The following ZFHX3 variants were observed in gnomAD, a reference collection of about 807,000 sequenced individuals.
The protein encoded by ZFHX3 is zinc finger homeobox protein 3.
ZFHX3 carries 42 observed loss-of-function variants against 279.1 expected under a neutral mutation model. That is an observed-to-expected ratio of 0.15 (90% CI 0.12 to 0.19). The LOEUF (loss-of-function observed/expected upper bound fraction) is 0.19. ZFHX3 is among the 10% of genes least tolerant of loss of function. The pLI, the probability that ZFHX3 is intolerant of heterozygous loss-of-function variation, is 1.00. For synonymous variants in ZFHX3, 2,293 were observed against 1,957.8 expected (o/e 1.17, Z -4.52); for missense variants, 4,981 against 4,754.0 (o/e 1.05, Z -1.40).
chr16:73,258,051 C>T (rs2013708501), intron 4 of ZFHX3, among the ~76,000 whole-genome samples: 2 of 152,292 alleles, frequency 1.3e-5, no homozygotes, highest in African/African-American at 2.4e-5. Context: ...CCAGATTTTG[C>T]CAAATGTCCC....
intron 7 of ZFHX3, among the ~76,000 whole-genome samples, chr16:73,105,410 C>CACACACACACATATACATATATAT (rs1200521848): frequency 8.6e-6 from 1 of 116,950 alleles, no homozygotes; most frequent in Non-Finnish European, 1.8e-5. Context: ...TATATATATA[C>CACACACACACATATACATATATAT]ACACACACAT....
At chr16:73,070,889 C>T (rs1965815248) in intron 8 of ZFHX3, among the ~76,000 whole-genome samples, 1 of 150,002 alleles carries the variant, frequency 6.7e-6, no homozygotes, top group Non-Finnish European at 1.5e-5. Flanking sequence ...TTCTTTTCCC[C>T]TTGCGGGCTG....
In ZFHX3 at chr16:72,950,477, A is replaced by C. The variant is rs1318230102; in HGVS notation, c.3208T>G (p.Leu1070Val). ...AAGGAGCTGGGCCTTACCTTGTACA[A>C]CTTCAGGCTGGCCTCGTGCCTGGAG... is the stretch of plus-strand genomic sequence containing the variant. ...VNSRHEASLK[L>V]YKHLQQHESG... Residue 1070 changes from leucine to valine, a missense_variant, in exon 3 of 10, where the codon TTG (leucine) becomes GTG (valine). Physicochemically the swap from Leu to Val is conservative, Grantham distance 32 (BLOSUM62 1). This residue lies in a region of ZFHX3 where 1,751 missense variants were observed against 1,770.0 expected (regional missense o/e 0.99). Coordinates refer to ENST00000268489, the MANE Select transcript of ZFHX3 (RefSeq NM_006885.4). 6.2e-7 allele frequency: 1 copy of C among 1,613,592 alleles called. No homozygotes were observed. Among genetic ancestry groups the C allele is most frequent in the East Asian group, 2.2e-5 (1 of 44,872 alleles).
chr16:73,819,934 G>A lies in ZFHX3; in HGVS notation c.-1608+71717C>T, dbSNP rs142930189. ...GTGGCAGATCTTATTTTCCAAAGAT[G>A]GTCACGACAATGTCTCTCATCCCAC... On this transcript the variant is annotated intron_variant, in intron 1 of 17. Transcript: ENST00000641206. 4.5e-3 allele frequency among the ~76,000 whole-genome samples: 686 copies of A among 152,194 alleles called. 7 individuals carry two copies. The highest frequency in any genetic ancestry group is 0.015 in the African/African-American group (632 of 41,532).
intron 1 of ZFHX3, among the ~76,000 whole-genome samples, chr16:73,702,782 G>C (rs1368272006): frequency 6.6e-6 from 1 of 152,136 alleles, no homozygotes; most frequent in Non-Finnish European, 1.5e-5. Context: ...GGAAGACAAA[G>C]AGTTTCTTTT....
chr16:73,027,862 G>A (rs1964566256), intron 1 of ZFHX3, among the ~76,000 whole-genome samples: 1 of 152,154 alleles, frequency 6.6e-6, no homozygotes, highest in African/African-American at 2.4e-5. Flanking sequence ...GTGATATACT[G>A]CCCCTCCTGT....
chr16:73,161,928 G>C (rs968627440), intron 5 of ZFHX3, among the ~76,000 whole-genome samples: 15 of 152,158 alleles, frequency 9.9e-5, no homozygotes, highest in Non-Finnish European at 2.1e-4. Context: ...AAGAAACAGG[G>C]TTTGAAAGGT....
chr16:73,085,985 C>CAAAAAAAAAAAAAAAAAAA (rs57128744), intron 8 of ZFHX3, among the ~76,000 whole-genome samples: 1 of 54,228 alleles, frequency 1.8e-5, no homozygotes, highest in African/African-American at 6.1e-5. Context: ...AACTCAATTG[C>CAAAAAAAAAAAAAAAAAAA]AAAAAAAAAA....
At chr16:73,727,723 C>G (rs1043276669) in intron 1 of ZFHX3, among the ~76,000 whole-genome samples, 1 of 152,174 alleles carries the variant, frequency 6.6e-6, no homozygotes, top group Non-Finnish European at 1.5e-5. Context: ...ATCTGCTTTT[C>G]TGTCTTCTCC....
Position 72,798,024 on chromosome 16 carries a change from G to A in ZFHX3, c.4658C>T (p.Ser1553Phe). ...RPYKCTVCKE[S>F]FTQKNILLVH... Reference sequence around the variant, plus strand: ...TAGCAGGATATTCTTTTGAGTGAAAGATTCCTTGCAGACGGTACACTTGTA... The same window carrying A: ...TAGCAGGATATTCTTTTGAGTGAAAAATTCCTTGCAGACGGTACACTTGTA... Residue 1553 changes from serine to phenylalanine, a missense_variant, in exon 9 of 10, where the codon TCT (serine) becomes TTT (phenylalanine). By Grantham distance (155) the Ser-to-Phe change is radical. Coordinates refer to ENST00000268489, the MANE Select transcript of ZFHX3 (RefSeq NM_006885.4). 1 of 1,614,214 alleles carries A rather than the reference G, an allele frequency of 6.2e-7. No homozygotes were observed. The highest frequency in any genetic ancestry group is 8.5e-7 in the Non-Finnish European group (1 of 1,180,046).
At chr16:73,555,573 G>C (rs113949152) in intron 2 of ZFHX3, among the ~76,000 whole-genome samples, 2 of 150,306 alleles carry the variant, frequency 1.3e-5, no homozygotes, top group Admixed American at 6.7e-5. Flanking sequence ...GCTCACGCCT[G>C]TAATCCCAGC....
At chr16:73,026,650 C>T (rs923060309) in intron 1 of ZFHX3, among the ~76,000 whole-genome samples, 29 of 101,462 alleles carry the variant, frequency 2.9e-4, no homozygotes, top group Non-Finnish European at 4.8e-4. Context: ...CACTCTAGCC[C>T]GGCAACAAGA....
intron 1 of ZFHX3, among the ~76,000 whole-genome samples, chr16:73,004,997 T>C (rs1008897539): frequency 1.3e-5 from 2 of 152,240 alleles, no homozygotes; most frequent in Non-Finnish European, 1.5e-5. Flanking sequence ...ATTTATTGCA[T>C]AATTTTATAA....
intron 2 of ZFHX3, among the ~76,000 whole-genome samples, chr16:73,532,436 T>C (rs1167564762): frequency 2.0e-5 from 3 of 152,262 alleles, no homozygotes; most frequent in Non-Finnish European, 4.4e-5. Context: ...TTAAACCTCT[T>C]TTTCTTTATA....
At chr16:73,036,992 CAGA>C (rs759776817) in intron 1 of ZFHX3, among the ~76,000 whole-genome samples, 2 of 152,118 alleles carry the variant, frequency 1.3e-5, no homozygotes, top group Non-Finnish European at 2.9e-5. Context: ...ATCCAAAAAT[CAGA>C]AGAACTGCCC....
At chr16:73,563,170 TTGTGTGTG>T (rs200933190) in intron 2 of ZFHX3, among the ~76,000 whole-genome samples, 4,985 of 134,786 alleles carry the variant, frequency 0.037, 129 homozygotes, top group African/African-American at 0.068. Flanking sequence ...TTTTGTTTTG[TTGTGTGTG>T]TGTGTGTGTG....
At chr16:73,772,911 G>T (rs2054034779) in intron 1 of ZFHX3, among the ~76,000 whole-genome samples, 2 of 152,238 alleles carry the variant, frequency 1.3e-5, no homozygotes, top group East Asian at 1.9e-4. Flanking sequence ...TTCCCACACT[G>T]CCACTACCTG....
At chr16:73,586,318 G>A (rs957344720) in intron 2 of ZFHX3, among the ~76,000 whole-genome samples, 1 of 152,012 alleles carries the variant, frequency 6.6e-6, no homozygotes, top group Non-Finnish European at 1.5e-5. Flanking sequence ...GAAACCAGGA[G>A]GCAGAGGTTA....
At chr16:73,339,533 G>A (rs980451959) in intron 3 of ZFHX3, among the ~76,000 whole-genome samples, 8 of 152,120 alleles carry the variant, frequency 5.3e-5, no homozygotes, top group Admixed American at 2.6e-4. Flanking sequence ...AGTCTATTTC[G>A]TCTTTTTGTT....
Sources: gnomAD v4.1 joint callset for allele counts (sites outside exome capture counted in the v4.1 genomes callset) on GRCh38, gnomAD v4.1.1 for gene constraint, gnomAD v4.1.1 regional missense constraint, MANE v1.5 for transcripts, NCBI Gene and HGNC (gene_info 2026-07-23, HGNC 2026-07-21) for gene names.